Variants in FAF1 observed in about 807,000 individuals in gnomAD.
FAF1 encodes the protein Fas associated factor 1.
In FAF1, 25 loss-of-function variants were observed where a neutral mutation model predicts 92.5. The observed-to-expected ratio is 0.27, with a 90% CI of 0.20 to 0.38. The LOEUF is 0.38. Among genes scored for constraint, FAF1 ranks in the 10% least tolerant of loss-of-function variants. FAF1 has a pLI of 1.00. For synonymous variants in FAF1, 234 were observed against 273.2 expected, an observed-to-expected ratio of 0.86 and a Z score of 1.42; for missense variants, 636 against 793.3, an observed-to-expected ratio of 0.80 and a Z score of 2.38.
chr1:50,574,367 C>A (rs1327769480), intron 12 of FAF1, among the ~76,000 whole-genome samples: 1 of 152,158 alleles, frequency 6.6e-6, no homozygotes, highest in Non-Finnish European at 1.5e-5. Flanking sequence ...GGAAGAGGGA[C>A]TGGGTAGGCA....
At chr1:50,820,328 C>A (rs773560128) in intron 2 of FAF1, among the ~76,000 whole-genome samples, 5 of 152,016 alleles carry the variant, frequency 3.3e-5, no homozygotes, top group Admixed American at 2.6e-4. Context: ...ATGTTTTTCT[C>A]CCCAGGCTTA....
chr1:50,863,433 A>G (rs1365571631), intron 1 of FAF1, among the ~76,000 whole-genome samples: 1 of 151,946 alleles, frequency 6.6e-6, no homozygotes, highest in East Asian at 1.9e-4. Flanking sequence ...CAAATAGACA[A>G]TCTAAGGTCA....
intron 1 of FAF1, among the ~76,000 whole-genome samples, chr1:50,911,682 G>A (rs1438367420): frequency 1.3e-5 from 2 of 151,740 alleles, no homozygotes; most frequent in African/African-American, 2.4e-5. Flanking sequence ...GGGCAACAGA[G>A]TGAGACTCTG....
intron 7 of FAF1, among the ~76,000 whole-genome samples, chr1:50,694,926 G>A (rs1418634117): frequency 6.6e-6 from 1 of 151,554 alleles, no homozygotes; most frequent in South Asian, 2.1e-4. Context: ...AGTGCCACTG[G>A]ACTCCACCTT....
At chr1:50,928,507 G>A (rs993129411) in intron 1 of FAF1, among the ~76,000 whole-genome samples, 5 of 152,150 alleles carry the variant, frequency 3.3e-5, no homozygotes, top group African/African-American at 9.7e-5. Flanking sequence ...AAGGCGGCCA[G>A]GCGCAGTGGC....
intron 13 of FAF1, among the ~76,000 whole-genome samples, chr1:50,543,515 G>T (rs1034926398): frequency 6.6e-6 from 1 of 152,168 alleles, no homozygotes; most frequent in East Asian, 1.9e-4. Context: ...TTGTCTTCTT[G>T]TAAGGATGAA....
At chr1:50,922,021 C>T (rs1016054299) in intron 1 of FAF1, among the ~76,000 whole-genome samples, 1 of 151,568 alleles carries the variant, frequency 6.6e-6, no homozygotes, top group Non-Finnish European at 1.5e-5. Flanking sequence ...ACAAAATTAG[C>T]CGGGCATGGT....
chr1:50,826,895 C>A (rs1003268328), intron 2 of FAF1, among the ~76,000 whole-genome samples: 2 of 151,826 alleles, frequency 1.3e-5, no homozygotes, highest in Non-Finnish European at 2.9e-5. Context: ...AAGTGAGGAG[C>A]GCCTCTGCCC....
chr1:50,466,845 A>T (rs1489809266), intron 18 of FAF1, among the ~76,000 whole-genome samples: 4 of 152,184 alleles, frequency 2.6e-5, no homozygotes, highest in African/African-American at 4.8e-5. Flanking sequence ...ACACTCTACC[A>T]TATAGACATG....
chr1:50,924,505 C>T (rs1644988837), intron 1 of FAF1, among the ~76,000 whole-genome samples: 1 of 152,130 alleles, frequency 6.6e-6, no homozygotes, highest in African/African-American at 2.4e-5. Flanking sequence ...TCTACAGGTA[C>T]AGCATCATCT....
Position 50,490,685 on chromosome 1 carries a change from G to T in FAF1, c.1576-20C>A. On this transcript the variant is annotated intron_variant, in intron 16 of 18. Transcript: ENST00000396153. ...TTCCCTCTGTTGATAAAACAGAAAAGGAACAAGCACTTAACACATACTTGT... is the reference window on the plus strand; with the variant it reads ...TTCCCTCTGTTGATAAAACAGAAAATGAACAAGCACTTAACACATACTTGT... 6.7e-7 allele frequency: 1 copy of T among 1,489,740 alleles called. No individual in the cohort carries two copies. Among genetic ancestry groups the T allele is most frequent in the Non-Finnish European group, 9.4e-7 (1 of 1,066,778 alleles). 92.3% of individuals were successfully genotyped at this position (1,489,740 alleles called of 1,614,324 possible). A position where few individuals can be genotyped will look rare whatever the true frequency, so the allele number is the denominator to read the frequency against.
chr1:50,560,604 C>G (rs1470729180), intron 13 of FAF1, among the ~76,000 whole-genome samples: 2 of 152,222 alleles, frequency 1.3e-5, no homozygotes, highest in Non-Finnish European at 2.9e-5. Flanking sequence ...CACTTAGTAG[C>G]ATGTACACTG....
At chr1:50,451,759 G>A (rs947220311) in intron 18 of FAF1, 3 of 767,010 alleles carry the variant, frequency 3.9e-6, no homozygotes, top group Admixed American at 6.2e-5. Context: ...TAGCATATGG[G>A]GACAGAAAAG....
At chr1:50,870,228 G>A (rs572988575) in intron 1 of FAF1, among the ~76,000 whole-genome samples, 7 of 152,320 alleles carry the variant, frequency 4.6e-5, no homozygotes, top group East Asian at 3.9e-4. Context: ...AGGCCAAGGC[G>A]GACTGACTGA....
chr1:50,847,888 TACAC>T (rs35667976), intron 2 of FAF1, among the ~76,000 whole-genome samples: 4 of 149,592 alleles, frequency 2.7e-5, no homozygotes, highest in African/African-American at 9.8e-5. Flanking sequence ...TGCACACATA[TACAC>T]ACACACACAC....
intron 6 of FAF1, among the ~76,000 whole-genome samples, chr1:50,728,935 G>C: frequency 6.7e-6 from 1 of 149,546 alleles, no homozygotes; most frequent in East Asian, 1.9e-4. Context: ...GCTGTTTGAA[G>C]ATAGTAGAAT....
At chr1:50,957,081 G>T (rs1010581522) in intron 1 of FAF1, among the ~76,000 whole-genome samples, 1 of 152,132 alleles carries the variant, frequency 6.6e-6, no homozygotes, top group Non-Finnish European at 1.5e-5. Flanking sequence ...TTACTAAGAC[G>T]ATCATTTGTA....
chr1:50,673,055 C>T (rs779426151), intron 7 of FAF1, among the ~76,000 whole-genome samples: 18 of 152,000 alleles, frequency 1.2e-4, no homozygotes, highest in Non-Finnish European at 2.5e-4. Context: ...GTCCAGAGTT[C>T]GAGACCAGCC....
chr1:50,617,742 T>C (rs1280307400), intron 8 of FAF1, among the ~76,000 whole-genome samples: 3 of 151,524 alleles, frequency 2.0e-5, no homozygotes, highest in African/African-American at 7.3e-5. Flanking sequence ...ATACCAGTTC[T>C]TCTTTAGGTG....
Sources: gnomAD v4.1 joint callset for allele counts (sites outside exome capture counted in the v4.1 genomes callset) on GRCh38, gnomAD v4.1.1 for gene constraint, MANE v1.5 for transcripts, NCBI Gene and HGNC (gene_info 2026-07-23, HGNC 2026-07-21) for gene names.